Variants in ZMYND8 observed in about 807,000 individuals in gnomAD.
The protein encoded by ZMYND8 is zinc finger MYND-type containing 8, also known as MYND-type zinc finger-containing chromatin reader ZMYND8.
Under a neutral mutation model 140.8 loss-of-function variants are expected in ZMYND8, and 37 were observed. The observed-to-expected ratio is 0.26, with a 90% confidence interval of 0.20 to 0.35. The LOEUF (loss-of-function observed/expected upper bound fraction) is 0.35. Among genes scored for constraint, ZMYND8 ranks in the 10% least tolerant of loss-of-function variants. The pLI, the probability that ZMYND8 is intolerant of heterozygous loss-of-function variation, is 1.00. For missense variants in ZMYND8, 1,068 were observed against 1,570.0 expected, an observed-to-expected ratio of 0.68 and a Z score of 5.40; for synonymous variants, 592 against 597.1, an observed-to-expected ratio of 0.99 and a Z score of 0.12.
At chr20:47,239,183 T>A (rs2039636841) in intron 14 of ZMYND8, 45 bp from the exon 15 acceptor site, 1 of 1,485,152 alleles carries the variant, frequency 6.7e-7, no homozygotes, top group South Asian at 1.4e-5. Flanking sequence ...CGGATTTCAC[T>A]CAGGTTCACC....
Position 47,224,330 on chromosome 20 carries a change from G to A in ZMYND8, c.3243C>T (p.Ser1081=), listed in dbSNP as rs1213309896. ...QQAHWPEHMK[S]CTQSATAPQQ... ...ACAGGGCATTACCTGACTGGGTGCA[G>A]GACTTCATGTGCTCAGGCCAGTGGG... The change falls in exon 19 of 23, where the codon TCC becomes TCT. Residue 1081 remains serine (S), a synonymous_variant. Coordinates refer to ENST00000471951, the MANE Select transcript of ZMYND8 (RefSeq NM_001281775.3). 4.3e-6 allele frequency: 7 copies of A among 1,614,238 alleles called. No homozygotes were observed. The African/African-American group carries it at 9.3e-5, about 22-fold the overall frequency.
rs537084082 is a variant in ZMYND8, at chr20:47,221,491, G to A, written c.3257-17C>T. The A allele has an allele frequency of 1.2e-5, 20 of 1,612,616 alleles. No homozygotes were observed. The highest frequency in any genetic ancestry group is 2.2e-5 in the East Asian group (1 of 44,872). ...GAGCAGTAGCTGGGGACAAAGGAGA[G>A]AGAGAGACGCCACATATACACAGAG... On this transcript the variant is annotated splice_polypyrimidine_tract_variant and intron_variant, in intron 19 of 22. Coordinates refer to ENST00000471951, the MANE Select transcript of ZMYND8 (RefSeq NM_001281775.3).
chr20:47,319,331 G>T, intron 2 of ZMYND8: 1 of 283,084 alleles, frequency 3.5e-6, no homozygotes, highest in Non-Finnish European at 7.0e-6. Context: ...ATAAATACGA[G>T]GAACTGCAGT....
intron 22 of ZMYND8, 119 bp downstream of exon 22, chr20:47,212,523 T>A: frequency 1.7e-6 from 2 of 1,182,244 alleles, no homozygotes; most frequent in Non-Finnish European, 2.5e-6. Flanking sequence ...GACCCACAAC[T>A]CAAAAGAACA....
intron 16 of ZMYND8, among the ~76,000 whole-genome samples, chr20:47,234,274 C>T (rs562452369): frequency 6.6e-6 from 1 of 152,218 alleles, no homozygotes; most frequent in Non-Finnish European, 1.5e-5. Context: ...GTCCTGAACT[C>T]CTGAGCTCAT....
chr20:47,328,758 A>C (rs1443679775), intron 2 of ZMYND8, among the ~76,000 whole-genome samples: 3 of 152,184 alleles, frequency 2.0e-5, no homozygotes, highest in Non-Finnish European at 4.4e-5. Flanking sequence ...GTGCCTGGCC[A>C]AGTTAGTTTC....
chr20:47,299,092 T>A (rs1273471869), intron 3 of ZMYND8, 145 bp from the exon 4 acceptor site: 3 of 726,776 alleles, frequency 4.1e-6, no homozygotes, highest in Non-Finnish European at 6.8e-6. Flanking sequence ...TAGGTTACTC[T>A]ACTAAATATA....
At chr20:47,226,678 G>A (rs1335401516) in intron 18 of ZMYND8, among the ~76,000 whole-genome samples, 2 of 152,112 alleles carry the variant, frequency 1.3e-5, no homozygotes, top group Non-Finnish European at 2.9e-5. Flanking sequence ...AGGAAAACCA[G>A]GGATATAACA....
chr20:47,303,061 A>G (rs1018699888), intron 3 of ZMYND8, among the ~76,000 whole-genome samples: 1 of 152,170 alleles, frequency 6.6e-6, no homozygotes, highest in African/African-American at 2.4e-5. Flanking sequence ...GACTTTGCCC[A>G]ACGTCCCTTG....
intron 12 of ZMYND8, among the ~76,000 whole-genome samples, chr20:47,258,858 T>G (rs2074951985): frequency 6.6e-6 from 1 of 151,952 alleles, no homozygotes; most frequent in Non-Finnish European, 1.5e-5. Context: ...CTGATCCTCT[T>G]CCCGTTAGGT....
intron 18 of ZMYND8, among the ~76,000 whole-genome samples, chr20:47,224,952 A>C (rs1416227683): frequency 1.3e-5 from 2 of 152,222 alleles, no homozygotes; most frequent in African/African-American, 4.8e-5. Flanking sequence ...CACCCACTAC[A>C]TGAAGGCACT....
intron 19 of ZMYND8, among the ~76,000 whole-genome samples, chr20:47,223,006 C>A (rs1249077370): frequency 6.6e-6 from 1 of 152,194 alleles, no homozygotes; most frequent in Non-Finnish European, 1.5e-5. Context: ...TTCACTCTCG[C>A]CCTTCACAGA....
intron 1 of ZMYND8, among the ~76,000 whole-genome samples, chr20:47,350,328 G>GAAAAAA (rs3084684): frequency 1.1e-5 from 1 of 93,250 alleles, no homozygotes; most frequent in Non-Finnish European, 2.6e-5. Flanking sequence ...ATTAAAAGGA[G>GAAAAAA]AAAAAAAAAA....
intron 11 of ZMYND8, among the ~76,000 whole-genome samples, chr20:47,273,708 T>C (rs1007624795): frequency 3.3e-5 from 5 of 152,174 alleles, no homozygotes; most frequent in Admixed American, 3.3e-4. Flanking sequence ...TCACAGGTCA[T>C]TGTGGCCTCA....
chr20:47,310,144 G>T lies in ZMYND8; in HGVS notation c.146C>A (p.Ser49Tyr), dbSNP rs752117889. ...KRKFPSPPHS[S>Y]NGHSPQDTST... ...TGTGTCCTGCGGCGAGTGGCCATTG[G>T]AAGAATGTGGAGGGCTGGGGAACTT... Residue 49 changes from serine to tyrosine, a missense_variant, in exon 3 of 23, where the codon TCC becomes TAC. Around this residue, in one of 10 missense-constraint regions of ZMYND8, gnomAD observed 77 missense variants for 85.1 expected, o/e 0.91. Coordinates refer to ENST00000471951, the MANE Select transcript of ZMYND8 (RefSeq NM_001281775.3). 1 of 1,613,708 alleles carries T rather than the reference G, an allele frequency of 6.2e-7. No individual in the cohort carries two copies. The highest frequency in any genetic ancestry group is 8.5e-7 in the Non-Finnish European group (1 of 1,179,956).
chr20:47,236,656 A>C, intron 15 of ZMYND8, 140 bp from the exon 16 acceptor site: 1 of 868,840 alleles, frequency 1.2e-6, no homozygotes, highest in Non-Finnish European at 1.7e-6. Flanking sequence ...CCCTTGACCA[A>C]ACTCTATCCA....
chr20:47,222,129 G>T (rs1478618242), intron 19 of ZMYND8, among the ~76,000 whole-genome samples: 1 of 152,160 alleles, frequency 6.6e-6, no homozygotes, highest in Admixed American at 6.5e-5. Flanking sequence ...TATATTTTTA[G>T]CCCCAGAGAC....
chr20:47,265,068 A>ATATATATATATATATATATATATATATG lies in ZMYND8; in HGVS notation c.1481-2641_1481-2640insCATATATATATATATATATATATATATA, dbSNP rs1555948705. Among the ~76,000 whole-genome samples, 363 of 144,386 alleles carry ATATATATATATATATATATATATATATG rather than the reference A, an allele frequency of 2.5e-3. 4 individuals are homozygous for ATATATATATATATATATATATATATATG. Among genetic ancestry groups the ATATATATATATATATATATATATATATG allele is most frequent in the Non-Finnish European group, 3.4e-3 (222 of 65,342 alleles). The allele number at this position is 144,386 out of a possible 152,430, so 94.7% of individuals were successfully genotyped here. A position where few individuals can be genotyped will look rare whatever the true frequency, so the allele number is the denominator to read the frequency against. ...AATATATATACATATATATATATAT[A>ATATATATATATATATATATATATATATG]GGCATTTTAACGGAAGTATTACCAA... On this transcript the variant is annotated intron_variant, in intron 11 of 22. Transcript: ENST00000471951.
chr20:47,296,308 A>G (rs1379161015), intron 4 of ZMYND8, among the ~76,000 whole-genome samples: 1 of 152,078 alleles, frequency 6.6e-6, no homozygotes, highest in African/African-American at 2.4e-5. Flanking sequence ...ACAACACAAA[A>G]AGCACCACAT....
Sources: gnomAD v4.1 joint callset for allele counts (sites outside exome capture counted in the v4.1 genomes callset) on GRCh38, gnomAD v4.1.1 for gene constraint, gnomAD v4.1.1 regional missense constraint, MANE v1.5 for transcripts, NCBI Gene and HGNC (gene_info 2026-07-23, HGNC 2026-07-21) for gene names.